XKR4: variants seen among roughly 807,000 people sequenced by gnomAD.
The protein encoded by XKR4 is XK-related protein 4.
XKR4 carries 12 observed loss-of-function variants against 53.9 expected under a neutral mutation model. That is an observed-to-expected ratio of 0.22 (90% CI 0.14 to 0.36). The LOEUF is 0.36. Among genes scored for constraint, XKR4 ranks in the 10% least tolerant of loss-of-function variants. The pLI, the probability that XKR4 is intolerant of heterozygous loss-of-function variation, is 1.00. For missense variants in XKR4, 799 were observed against 859.5 expected, an observed-to-expected ratio of 0.93 and a Z score of 0.88; for synonymous variants, 354 against 362.4, an observed-to-expected ratio of 0.98 and a Z score of 0.26.
intron 1 of XKR4, among the ~76,000 whole-genome samples, chr8:55,246,243 T>A (rs1360268739): frequency 6.6e-6 from 1 of 152,156 alleles, no homozygotes; most frequent in African/African-American, 2.4e-5. Flanking sequence ...AAAGAGGACT[T>A]AGAGCAAAGT....
intron 1 of XKR4, among the ~76,000 whole-genome samples, chr8:55,182,584 T>C (rs554625931): frequency 2.8e-4 from 43 of 152,308 alleles, no homozygotes; most frequent in African/African-American, 9.9e-4. Flanking sequence ...TACTTTACCT[T>C]TGTCAAAAAT....
chr8:55,307,541 C>A (rs1819321396), intron 1 of XKR4, among the ~76,000 whole-genome samples: 1 of 152,026 alleles, frequency 6.6e-6, no homozygotes, highest in South Asian at 2.1e-4. Flanking sequence ...CTGGTCCCAG[C>A]TACTTGGGAG....
In XKR4 at chr8:55,531,387, G is replaced by A. The variant is rs1188225924; in HGVS notation, c.*7160G>A. On this transcript the variant is annotated 3_prime_UTR_variant, in exon 3 of 3. Transcript: ENST00000327381. ...AAAATATAGTATTATTGTCTTATGG[G>A]ATCGCTGTCATATGTGCAGTCTATT... is the stretch of plus-strand genomic sequence containing the variant. 1 of 152,060 alleles carries A rather than the reference G, an allele frequency of 6.6e-6. No homozygotes were observed. Among genetic ancestry groups the A allele is most frequent in the East Asian group, 1.9e-4 (1 of 5,194 alleles). The allele number at this position is 152,060 out of a possible 1,614,324, so 9.4% of individuals were successfully genotyped here. A position where few individuals can be genotyped will look rare whatever the true frequency, so the allele number is the denominator to read the frequency against.
intron 2 of XKR4, among the ~76,000 whole-genome samples, chr8:55,381,259 C>A: frequency 6.6e-6 from 1 of 152,234 alleles, no homozygotes; most frequent in Middle Eastern, 3.4e-3. Context: ...TATTTTCCTT[C>A]GCCTCTTTCT....
chr8:55,518,589 G>T (rs771907240), intron 2 of XKR4, among the ~76,000 whole-genome samples: 1 of 152,160 alleles, frequency 6.6e-6, no homozygotes, highest in Non-Finnish European at 1.5e-5. Context: ...TTCTTTCCAC[G>T]AGAAAGCAAA....
chr8:55,391,244 C>T (rs887404937), intron 2 of XKR4, among the ~76,000 whole-genome samples: 5 of 152,114 alleles, frequency 3.3e-5, no homozygotes, highest in African/African-American at 1.2e-4. Flanking sequence ...TTCCCTGGCC[C>T]GGAAACCCTT....
chr8:55,281,650 A>T (rs1326363757), intron 1 of XKR4, among the ~76,000 whole-genome samples: 2 of 152,192 alleles, frequency 1.3e-5, no homozygotes, highest in Non-Finnish European at 2.9e-5. Context: ...CTCATTCCAC[A>T]TTTGAGAGTG....
At chr8:55,167,702 C>T (rs922949532) in intron 1 of XKR4, among the ~76,000 whole-genome samples, 1 of 152,156 alleles carries the variant, frequency 6.6e-6, no homozygotes, top group Non-Finnish European at 1.5e-5. Context: ...TGGACATATA[C>T]TTTTGGGAGT....
intron 1 of XKR4, among the ~76,000 whole-genome samples, chr8:55,146,529 TG>T (rs1407579051): frequency 1.9e-4 from 29 of 152,354 alleles, no homozygotes; most frequent in African/African-American, 7.0e-4. Flanking sequence ...TTTGCACACT[TG>T]AAATGTGGCA....
chr8:55,110,781 T>C (rs746782306), intron 1 of XKR4, among the ~76,000 whole-genome samples: 9 of 152,150 alleles, frequency 5.9e-5, no homozygotes, highest in Admixed American at 1.3e-4. Context: ...AATATACTTA[T>C]ATATGGAAGA....
At chr8:55,371,063 GAC>G (rs1804063512) in intron 2 of XKR4, among the ~76,000 whole-genome samples, 1 of 150,212 alleles carries the variant, frequency 6.7e-6, no homozygotes, top group African/African-American at 2.5e-5. Context: ...GTCCTTTGGT[GAC>G]ACAGAGCAAT....
chr8:55,531,331 G>T lies in XKR4; in HGVS notation c.*7104G>T, dbSNP rs979924235. On this transcript the variant is annotated 3_prime_UTR_variant, in exon 3 of 3. Transcript: ENST00000327381. ...AACTGTAACACCATGGTAAGTACTT[G>T]TGTATTTAAATATAGAAAAGTTAAC... The T allele has an allele frequency of 6.6e-6, 1 of 152,144 alleles. No homozygotes were observed. 9.4% of individuals were successfully genotyped at this position (152,144 alleles called of 1,614,324 possible). A position where few individuals can be genotyped will look rare whatever the true frequency, so the allele number is the denominator to read the frequency against.
intron 1 of XKR4, among the ~76,000 whole-genome samples, chr8:55,109,823 G>A (rs1222135272): frequency 1.3e-5 from 2 of 152,158 alleles, no homozygotes; most frequent in Admixed American, 1.3e-4. Flanking sequence ...TGGAGCAATA[G>A]CTTTGAAAGT....
At chr8:55,328,142 C>T (rs1192997802) in intron 1 of XKR4, among the ~76,000 whole-genome samples, 2 of 152,160 alleles carry the variant, frequency 1.3e-5, no homozygotes, top group Non-Finnish European at 2.9e-5. Context: ...GGAAACCACC[C>T]TCATGATCCG....
intron 2 of XKR4, among the ~76,000 whole-genome samples, chr8:55,513,409 C>A (rs929707444): frequency 6.6e-6 from 1 of 152,178 alleles, no homozygotes; most frequent in Non-Finnish European, 1.5e-5. Context: ...GAGGCTTTGG[C>A]CAGCATGGTC....
chr8:55,204,373 A>G (rs1327244502), intron 1 of XKR4, among the ~76,000 whole-genome samples: 1 of 152,188 alleles, frequency 6.6e-6, no homozygotes, highest in South Asian at 2.1e-4. Context: ...CCACCGAAAT[A>G]CTTACATTAT....
At chr8:55,164,223 ATT>A (rs751999234) in intron 1 of XKR4, 21 of 456,584 alleles carry the variant, frequency 4.6e-5, no homozygotes, top group African/African-American at 4.2e-4. Context: ...CCTTTCCTGA[ATT>A]CTGTCGGCAT....
At chr8:55,280,644 A>G (rs941373980) in intron 1 of XKR4, among the ~76,000 whole-genome samples, 3 of 152,208 alleles carry the variant, frequency 2.0e-5, no homozygotes, top group Non-Finnish European at 4.4e-5. Flanking sequence ...TGGCATAACC[A>G]TTTATAATCC....
intron 1 of XKR4, among the ~76,000 whole-genome samples, chr8:55,194,069 G>A (rs1186012017): frequency 2.0e-5 from 3 of 152,166 alleles, no homozygotes; most frequent in Admixed American, 6.5e-5. Context: ...TGTGCCCCAG[G>A]CAGTGGTCAG....
Sources: allele counts gnomAD v4.1 joint callset (sites outside exome capture counted in the v4.1 genomes callset), GRCh38; gene constraint gnomAD v4.1.1; transcripts MANE v1.5; gene names NCBI Gene and HGNC (gene_info 2026-07-23, HGNC 2026-07-21).